The following OLAH variants were observed in gnomAD, a reference collection of about 807,000 sequenced individuals.
The protein encoded by OLAH is S-acyl fatty acid synthase thioesterase, medium chain.
OLAH carries 33 observed loss-of-function variants against 27.8 expected under a neutral mutation model. The observed-to-expected ratio is 1.19, with a 90% CI of 0.90 to 1.59. The LOEUF (loss-of-function observed/expected upper bound fraction) is 1.59. Ranked by LOEUF, OLAH falls within the 40% of genes most tolerant of loss-of-function variation. The pLI is 0.00. For missense variants in OLAH, 359 were observed against 310.8 expected (o/e 1.16, Z -1.17); for synonymous variants, 120 against 102.9 (o/e 1.17, Z -1.01).
Position 15,034,108 on chromosome 10 carries a change from T to TTTTTTC in OLAH, c.-164+1763_-164+1764insCTTTTT, listed in dbSNP as rs1335828652. 6.0e-3 allele frequency among the ~76,000 whole-genome samples: 673 copies of TTTTTTC among 112,568 alleles called. 9 individuals carry two copies. The highest frequency in any genetic ancestry group is 0.02 in the African/African-American group (652 of 31,900). 73.8% of individuals were successfully genotyped at this position (112,568 alleles called of 152,430 possible). ...GGAAAGGGCAGACTCCACCATTTTT[T>TTTTTTC]TTTTTTCTTTTTTTTTTTTTTTTGA... On this transcript the variant is annotated intron_variant, in intron 1 of 3. Transcript: ENST00000413672.
At chr10:15,068,288 G>A (rs1844506537) in intron 6 of OLAH, among the ~76,000 whole-genome samples, 1 of 152,110 alleles carries the variant, frequency 6.6e-6, no homozygotes, top group Non-Finnish European at 1.5e-5. Flanking sequence ...TAAAGTCCCT[G>A]TTTGAGAGTT....
chr10:15,032,586 A>C (rs1192179651), intron 1 of OLAH, among the ~76,000 whole-genome samples: 4 of 145,906 alleles, frequency 2.7e-5, no homozygotes, highest in East Asian at 2.0e-4. Flanking sequence ...ACACCACTGC[A>C]CTCCAGCCTG....
chr10:15,046,627 C>T (rs527634615), intron 1 of OLAH, among the ~76,000 whole-genome samples: 6 of 151,928 alleles, frequency 3.9e-5, no homozygotes, highest in African/African-American at 1.2e-4. Context: ...GCCACATATC[C>T]GGCTAATTTT....
intron 6 of OLAH, among the ~76,000 whole-genome samples, chr10:15,071,014 C>T (rs1167300659): frequency 6.6e-6 from 1 of 151,928 alleles, no homozygotes; most frequent in African/African-American, 2.4e-5. Context: ...AAACTCCTGG[C>T]CTTAAGTGAT....
chr10:15,069,171 G>A (rs186641839), intron 6 of OLAH, among the ~76,000 whole-genome samples: 19 of 152,266 alleles, frequency 1.2e-4, no homozygotes, highest in African/African-American at 4.3e-4. Flanking sequence ...TGTGAGTGGG[G>A]CTTTCTCAGC....
At chr10:15,060,909 A>AAGCC in intron 3 of OLAH, among the ~76,000 whole-genome samples, 1 of 152,326 alleles carries the variant, frequency 6.6e-6, no homozygotes, top group South Asian at 2.1e-4. Context: ...TCTAGCAAGC[A>AAGCC]AGCCAATAAG....
At chr10:15,035,545 C>T (rs930915484) in intron 1 of OLAH, among the ~76,000 whole-genome samples, 1 of 152,088 alleles carries the variant, frequency 6.6e-6, no homozygotes, top group African/African-American at 2.4e-5. Flanking sequence ...CATGAGAACT[C>T]ACTATCTCTG....
intron 1 of OLAH, among the ~76,000 whole-genome samples, chr10:15,033,820 C>T (rs1843795832): frequency 6.6e-6 from 1 of 152,146 alleles, no homozygotes; most frequent in Non-Finnish European, 1.5e-5. Flanking sequence ...GCATTAATCC[C>T]ACCCATGAAG....
intron 6 of OLAH, 112 bp downstream of exon 6, chr10:15,065,865 T>G: frequency 1.0e-6 from 1 of 958,478 alleles, no homozygotes; most frequent in Non-Finnish European, 1.5e-6. Context: ...TCTAAGAGTT[T>G]GGTTTCATTT....
rs777581587 is a variant in OLAH at position 15,071,871 on chromosome 10, A to C, written c.649A>C (p.Met217Leu). 1.1e-5 allele frequency: 18 copies of C among 1,608,034 alleles called. No homozygotes were observed. Among genetic ancestry groups the C allele is most frequent in the Middle Eastern group, 3.3e-4 (2 of 6,052 alleles). Residue 217 changes from methionine (M) to leucine (L), a missense_variant, in exon 7 of 8, where the codon ATG becomes CTG. Physicochemically the swap from Met to Leu is conservative, Grantham distance 15. Transcript: ENST00000378228. The part of the protein sequence containing the change: ...FVGSEDIAKD[M>L]EAWKDVTSGN... The stretch of plus-strand genomic sequence containing the variant: ...TGGATCTGAAGACATAGCAAAGGAC[A>C]TGGAAGGTGAAATTATTTTTAGTCT...
intron 7 of OLAH, among the ~76,000 whole-genome samples, chr10:15,072,507 A>T (rs751067459): frequency 9.8e-5 from 15 of 152,320 alleles, no homozygotes; most frequent in Non-Finnish European, 2.1e-4. Flanking sequence ...ACAGTCAAAG[A>T]CAGGTTTTCT....
At chr10:15,071,036 G>T (rs1406817961) in intron 6 of OLAH, among the ~76,000 whole-genome samples, 1 of 151,938 alleles carries the variant, frequency 6.6e-6, no homozygotes, top group Non-Finnish European at 1.5e-5. Flanking sequence ...CTCCTGCCTT[G>T]GCCTCCCAAA....
At chr10:15,066,661 G>A (rs908026416) in intron 6 of OLAH, among the ~76,000 whole-genome samples, 3 of 147,722 alleles carry the variant, frequency 2.0e-5, no homozygotes, top group South Asian at 2.2e-4. Flanking sequence ...TTATTTTTGA[G>A]ATGGAGTCTC....
chr10:15,043,061 C>T (rs185682106), upstream of OLAH, among the ~76,000 whole-genome samples: 647 of 151,846 alleles, frequency 4.3e-3, 6 homozygotes, highest in African/African-American at 0.015. Flanking sequence ...GGGGTTTCAC[C>T]ATGTTAGCCA....
chr10:15,038,985 A>AG (rs1278976937), upstream of OLAH, among the ~76,000 whole-genome samples: 2 of 152,092 alleles, frequency 1.3e-5, no homozygotes, highest in African/African-American at 4.8e-5. Flanking sequence ...CGCTTTGGGA[A>AG]GCTAAAGCAG....
rs761823355 is a variant in OLAH at position 15,073,172 on chromosome 10, A to G, written c.741A>G (p.Lys247=). The change falls in exon 8 of 8, where the codon AAA becomes AAG. Residue 247 remains lysine, a synonymous_variant. Transcript: ENST00000378228. ...HFYLLDPANE[K]LIKNYIIKCL... Reference sequence around the variant, plus strand: ...ATCTTCTGGATCCTGCGAACGAGAAATTAATCAAGAACTACATAATCAAGT... The same window carrying G: ...ATCTTCTGGATCCTGCGAACGAGAAGTTAATCAAGAACTACATAATCAAGT... 9 of 1,610,522 alleles carry G rather than the reference A, an allele frequency of 5.6e-6. No individual in the cohort carries two copies. Among genetic ancestry groups the G allele is most frequent in the Non-Finnish European group, 1.7e-6 (2 of 1,176,910 alleles).
intron 1 of OLAH, among the ~76,000 whole-genome samples, chr10:15,046,350 A>AAATG (rs1359423047): frequency 1.4e-5 from 2 of 144,900 alleles, no homozygotes; most frequent in African/African-American, 5.1e-5. Context: ...ATAAATAAAT[A>AAATG]AATGACAGTT....
At chr10:15,035,234 A>G (rs1403520347) in intron 1 of OLAH, among the ~76,000 whole-genome samples, 2 of 152,240 alleles carry the variant, frequency 1.3e-5, no homozygotes, top group African/African-American at 2.4e-5. Context: ...AGCCCGGTAT[A>G]GTCGGAGTGT....
chr10:15,072,326 C>T (rs1844607503), intron 7 of OLAH, among the ~76,000 whole-genome samples: 1 of 151,898 alleles, frequency 6.6e-6, no homozygotes, highest in Non-Finnish European at 1.5e-5. Flanking sequence ...CTAGTAGTTA[C>T]TGCAATGAGT....
Sources: gnomAD v4.1 joint callset for allele counts (sites outside exome capture counted in the v4.1 genomes callset) on GRCh38, gnomAD v4.1.1 for gene constraint, MANE v1.5 for transcripts, NCBI Gene and HGNC (gene_info 2026-07-23, HGNC 2026-07-21) for gene names.